PTPRD: variants seen among roughly 807,000 people sequenced by gnomAD.
PTPRD encodes receptor-type tyrosine-protein phosphatase delta.
PTPRD carries 34 observed loss-of-function variants against 214.5 expected under a neutral mutation model. That is an observed-to-expected ratio of 0.16 (90% confidence interval 0.12 to 0.21). PTPRD has a LOEUF of 0.21. Among genes scored for constraint, PTPRD ranks in the 10% least tolerant of loss-of-function variants. The probability of loss-of-function intolerance (pLI) is 1.00; values close to 1 mark genes in which losing one functional copy is unlikely to be tolerated. For missense variants in PTPRD, 2,545 were observed against 2,398.7 expected (o/e 1.06, Z -1.27); for synonymous variants, 1,128 against 845.7 (o/e 1.33, Z -5.79).
At chr9:10,295,448 G>A (rs1032327371) in intron 3 of PTPRD, among the ~76,000 whole-genome samples, 1 of 152,018 alleles carries the variant, frequency 6.6e-6, no homozygotes, top group South Asian at 2.1e-4. Flanking sequence ...TCAAGTATTT[G>A]TGATAAGCCA....
chr9:10,039,108 C>G (rs914208010), intron 3 of PTPRD, among the ~76,000 whole-genome samples: 1 of 152,076 alleles, frequency 6.6e-6, no homozygotes. Context: ...GTTCACAAAA[C>G]TCTTCCTATC....
intron 14 of PTPRD, among the ~76,000 whole-genome samples, chr9:8,601,242 T>A (rs569179171): frequency 6.6e-6 from 1 of 152,100 alleles, no homozygotes; most frequent in East Asian, 1.9e-4. Context: ...GAACACCAAG[T>A]AGACTTCTAA....
At chr9:10,093,300 A>T in intron 3 of PTPRD, among the ~76,000 whole-genome samples, 1 of 151,620 alleles carries the variant, frequency 6.6e-6, no homozygotes, top group Non-Finnish European at 1.5e-5. Flanking sequence ...GAACAGACAC[A>T]TTTCATAAGA....
intron 3 of PTPRD, among the ~76,000 whole-genome samples, chr9:10,216,443 C>G (rs1000431885): frequency 6.6e-6 from 1 of 151,902 alleles, no homozygotes; most frequent in Non-Finnish European, 1.5e-5. Context: ...ACCATTAAAA[C>G]TAAAATGAAT....
At chr9:9,097,598 G>C (rs563787238) in intron 10 of PTPRD, among the ~76,000 whole-genome samples, 1 of 151,822 alleles carries the variant, frequency 6.6e-6, no homozygotes, top group Non-Finnish European at 1.5e-5. Flanking sequence ...TTTTAGTAGA[G>C]ACAGGGTTTC....
intron 8 of PTPRD, among the ~76,000 whole-genome samples, chr9:9,569,058 T>A (rs1295879429): frequency 3.3e-5 from 5 of 151,786 alleles, no homozygotes; most frequent in African/African-American, 1.2e-4. Context: ...CTTTCTCATT[T>A]TGCTAGGTAA....
At position 10,543,475 on chromosome 9, in the gene PTPRD, T is replaced by TACAC. The variant is rs201493444; in HGVS notation, c.-600+68922_-600+68923insGTGT. ...ACCAGTTTGAAGAGTTTAATATATA[T>TACAC]ATATACACACACACACACACACACA... On this transcript the variant is annotated intron_variant, in intron 2 of 45. Coordinates refer to ENST00000381196, the MANE Select transcript of PTPRD (RefSeq NM_002839.4). Among the ~76,000 whole-genome samples, 861 of 104,326 alleles carry TACAC rather than the reference T, an allele frequency of 8.3e-3. 4 individuals are homozygous for TACAC. Among genetic ancestry groups the TACAC allele is most frequent in the African/African-American group, 8.4e-3 (265 of 31,534 alleles). The allele number at this position is 104,326 out of a possible 152,430, so 68.4% of individuals were successfully genotyped here.
chr9:9,205,820 G>C (rs1381563454), intron 9 of PTPRD, among the ~76,000 whole-genome samples: 1 of 152,180 alleles, frequency 6.6e-6, no homozygotes, highest in African/African-American at 2.4e-5. Flanking sequence ...ACATGCAGCA[G>C]TTAACTTAAT....
chr9:10,113,256 A>G (rs543443841), intron 3 of PTPRD, among the ~76,000 whole-genome samples: 4 of 152,282 alleles, frequency 2.6e-5, no homozygotes. Context: ...CTTCACAACC[A>G]CCCTATGAAT....
rs553857895 is a variant in PTPRD, at chr9:10,160,244, G to A, written c.-544-126454C>T. On this transcript the variant is annotated intron_variant, in intron 3 of 45. Transcript: ENST00000381196. Reference sequence around the variant, plus strand: ...ACAAACAGGTATACACCAATAAATTGGAAAACTTATTGAATACATTCCTGG... The same window carrying A: ...ACAAACAGGTATACACCAATAAATTAGAAAACTTATTGAATACATTCCTGG... 5.9e-5 allele frequency among the ~76,000 whole-genome samples: 9 copies of A among 151,894 alleles called. No homozygotes were observed. In the South Asian group the frequency reaches 6.2e-4, roughly 11 times the overall value.
At chr9:10,311,299 G>T (rs1410560072) in intron 3 of PTPRD, among the ~76,000 whole-genome samples, 2 of 151,600 alleles carry the variant, frequency 1.3e-5, no homozygotes, top group Non-Finnish European at 2.9e-5. Context: ...CCTTTATACT[G>T]ATCAAGAAAA....
At chr9:9,958,870 C>T (rs193013707) in intron 4 of PTPRD, among the ~76,000 whole-genome samples, 22 of 152,194 alleles carry the variant, frequency 1.4e-4, no homozygotes, top group Admixed American at 1.2e-3. Flanking sequence ...ACTGACAATA[C>T]CAAATGCTAG....
intron 12 of PTPRD, among the ~76,000 whole-genome samples, chr9:8,656,611 C>T (rs2096914434): frequency 1.3e-5 from 2 of 152,206 alleles, no homozygotes; most frequent in Admixed American, 6.5e-5. Context: ...TTGAAGGCCA[C>T]TCTTATTTAC....
At chr9:9,832,837 C>T (rs1324397920) in intron 5 of PTPRD, among the ~76,000 whole-genome samples, 1 of 151,420 alleles carries the variant, frequency 6.6e-6, no homozygotes, top group African/African-American at 2.4e-5. Flanking sequence ...TATACAAAGA[C>T]TCCTCAATGA....
intron 8 of PTPRD, among the ~76,000 whole-genome samples, chr9:9,558,098 A>T (rs1167250783): frequency 6.6e-6 from 1 of 152,014 alleles, no homozygotes; most frequent in East Asian, 1.9e-4. Context: ...CCTCCTGTCC[A>T]TCTGCAAGAT....
chr9:9,567,212 T>G lies in PTPRD; in HGVS notation c.-237+7520A>C, dbSNP rs1458320428. On this transcript the variant is annotated intron_variant, in intron 8 of 45. Coordinates refer to ENST00000381196, the MANE Select transcript of PTPRD (RefSeq NM_002839.4). ...TTTCTGTCAGTCAAAGGTGTGTGAG[T>G]GGGTCTTGGTCAAAGGAAAAATGCA... Among the ~76,000 whole-genome samples the G allele has an allele frequency of 2.6e-5, 4 of 151,488 alleles. No individual in the cohort carries two copies. The East Asian group carries it at 7.8e-4, about 29-fold the overall frequency.
chr9:10,598,053 T>C (rs1421127565), intron 2 of PTPRD, among the ~76,000 whole-genome samples: 2 of 151,794 alleles, frequency 1.3e-5, no homozygotes, highest in African/African-American at 4.8e-5. Flanking sequence ...CACTGGAAAC[T>C]GAGATATTCT....
intron 8 of PTPRD, among the ~76,000 whole-genome samples, chr9:9,481,649 A>AT (rs778410654): frequency 9.2e-5 from 14 of 151,776 alleles, no homozygotes; most frequent in South Asian, 2.1e-4. Context: ...ACTTGGTAGT[A>AT]TTTTTTTTAA....
chr9:9,829,845 C>G (rs191886204), intron 5 of PTPRD, among the ~76,000 whole-genome samples: 1 of 151,702 alleles, frequency 6.6e-6, no homozygotes, highest in Non-Finnish European at 1.5e-5. Context: ...AAAGAATATT[C>G]TGTCATCAAG....
Sources: gnomAD v4.1 joint callset for allele counts (sites outside exome capture counted in the v4.1 genomes callset) on GRCh38, gnomAD v4.1.1 for gene constraint, MANE v1.5 for transcripts, NCBI Gene and HGNC (gene_info 2026-07-23, HGNC 2026-07-21) for gene names.